Variants in RUBCNL observed in about 807,000 individuals in gnomAD.
RUBCNL encodes the protein rubicon like autophagy enhancer.
RUBCNL carries 62 observed loss-of-function variants against 69.5 expected under a neutral mutation model. That is an observed-to-expected ratio of 0.89 (90% CI 0.73 to 1.10). The LOEUF (loss-of-function observed/expected upper bound fraction) is 1.10, where lower values mean the gene tolerates loss of function less well. Among genes scored for constraint, RUBCNL ranks in the 50% least tolerant of loss-of-function variants. RUBCNL has a pLI of 0.00. For missense variants in RUBCNL, 768 were observed against 798.1 expected (o/e 0.96, Z 0.45); for synonymous variants, 291 against 303.6 (o/e 0.96, Z 0.43).
At position 46,339,032 on chromosome 13, in the gene RUBCNL, G is replaced by A. The variant is rs537225060; in HGVS notation, c.*4353C>T. On this transcript the variant is annotated 3_prime_UTR_variant, in exon 15 of 15. Coordinates refer to ENST00000429979, the MANE Select transcript of RUBCNL (RefSeq NM_025113.5). ...ACTGCACTCCAGCCTGGGCGACAGA[G>A]CGAGACCCTGTCTCAAAAAAAAAAA... 3.5e-5 allele frequency among the ~76,000 whole-genome samples: 5 copies of A among 142,386 alleles called. No homozygotes were observed. Among genetic ancestry groups the A allele is most frequent in the African/African-American group, 1.1e-4 (4 of 37,362 alleles). 93.4% of individuals were successfully genotyped at this position (142,386 alleles called of 152,430 possible).
chr13:46,384,183 A>G (rs1266426723), intron 1 of RUBCNL, among the ~76,000 whole-genome samples: 2 of 152,252 alleles, frequency 1.3e-5, no homozygotes, highest in Non-Finnish European at 2.9e-5. Context: ...CCATATTTTT[A>G]AAAATACTTG....
At chr13:46,346,570 A>G (rs1389646445) in intron 12 of RUBCNL, among the ~76,000 whole-genome samples, 1 of 152,188 alleles carries the variant, frequency 6.6e-6, no homozygotes, top group Non-Finnish European at 1.5e-5. Context: ...ATGGATATTC[A>G]AGATTTTTTG....
chr13:46,345,030 A>C (rs1339953053), intron 13 of RUBCNL, among the ~76,000 whole-genome samples, 199 bp from the exon 14 acceptor site: 2 of 152,250 alleles, frequency 1.3e-5, no homozygotes, highest in African/African-American at 4.8e-5. Flanking sequence ...ATTCCATATC[A>C]AAGCAGTTTT....
intron 1 of RUBCNL, 34 bp from the exon 2 acceptor site, chr13:46,378,039 GA>G: frequency 9.0e-7 from 1 of 1,105,264 alleles, no homozygotes; most frequent in Non-Finnish European, 1.3e-6. Context: ...CAGATGCTAT[GA>G]TACCACTGCC....
chr13:46,347,697 G>A (rs2048277089), intron 12 of RUBCNL, among the ~76,000 whole-genome samples: 1 of 152,042 alleles, frequency 6.6e-6, no homozygotes, highest in Non-Finnish European at 1.5e-5. Context: ...AACTTAAGAA[G>A]GAAGGAAATT....
In RUBCNL at chr13:46,343,168, AG is replaced by A. The variant is rs1164573913; in HGVS notation, c.*216del. 2.7e-6 allele frequency: 2 copies of A among 729,482 alleles called. No individual in the cohort carries two copies. Among genetic ancestry groups the A allele is most frequent in the Middle Eastern group, 3.9e-4 (1 of 2,550 alleles). The allele number at this position is 729,482 out of a possible 1,614,324, so 45.2% of individuals were successfully genotyped here. On this transcript the variant is annotated 3_prime_UTR_variant, in exon 15 of 15. Coordinates refer to ENST00000429979, the MANE Select transcript of RUBCNL (RefSeq NM_025113.5). ...TTAAAAAACCAATAGCAGCCAAAACAGAACATTTGTAAACAAAACCACAACT... is the reference window on the plus strand; with the variant it reads ...TTAAAAAACCAATAGCAGCCAAAACAAACATTTGTAAACAAAACCACAACT...
chr13:46,345,622 G>A (rs763119035), intron 12 of RUBCNL, 22 bp from the exon 13 acceptor site: 1 of 1,611,496 alleles, frequency 6.2e-7, no homozygotes, highest in Admixed American at 1.7e-5. Flanking sequence ...GAAACAAAGA[G>A]GAATTCAGAA....
chr13:46,368,685 C>G (rs377044462), intron 4 of RUBCNL, 48 bp downstream of exon 4: 6 of 1,504,084 alleles, frequency 4.0e-6, no homozygotes, highest in South Asian at 2.3e-5. Flanking sequence ...ACAACACTAT[C>G]TAAAGGATTA....
In RUBCNL at chr13:46,364,150, C is replaced by T. The variant is rs1204446862; in HGVS notation, c.827-937G>A. ...GTGGCTCATGCCTGTAATCCCAGCA[C>T]TTTGGGAGGCTGAGGCAGGCGGATC... On this transcript the variant is annotated intron_variant, in intron 5 of 14. Transcript: ENST00000429979. Among the ~76,000 whole-genome samples, 3 of 151,962 alleles carry T rather than the reference C, an allele frequency of 2.0e-5. No individual in the cohort carries two copies. In the South Asian group the frequency reaches 6.2e-4, roughly 31 times the overall value.
rs1478865912 is a variant in RUBCNL at position 46,338,504 on chromosome 13, C to G, written c.*4881G>C. Among the ~76,000 whole-genome samples, 1 of 152,028 alleles carries G rather than the reference C, an allele frequency of 6.6e-6. No individual in the cohort carries two copies. Among genetic ancestry groups the G allele is most frequent in the Non-Finnish European group, 1.5e-5 (1 of 68,018 alleles). Reference sequence around the variant, plus strand: ...GGTTGAGACCACAGGGCAGGGGATTCTGTCTGGGGCTCCATTTGATCTAAC... The same window carrying G: ...GGTTGAGACCACAGGGCAGGGGATTGTGTCTGGGGCTCCATTTGATCTAAC... On this transcript the variant is annotated 3_prime_UTR_variant, in exon 15 of 15. Transcript: ENST00000429979.
Position 46,372,345 on chromosome 13 carries a change from A to T in RUBCNL, c.131T>A (p.Ile44Asn), listed in dbSNP as rs1438466254. 2 of 1,613,854 alleles carry T rather than the reference A, an allele frequency of 1.2e-6. No homozygotes were observed. The highest frequency in any genetic ancestry group is 1.7e-6 in the Non-Finnish European group (2 of 1,179,888). ...GACAGCTTTGTGCCTCATGAGCCTG[A>T]TGTCTAATTGGCAAGGAGGATGGTC... ...NTDHPPCQLDIRLMRHKAVWI... is the reference protein window; with the variant it reads ...NTDHPPCQLDNRLMRHKAVWI... Residue 44 changes from isoleucine to asparagine, a missense_variant, in exon 3 of 15, where the codon ATC becomes AAC. By Grantham distance (149) the Ile-to-Asn change is moderately radical. Coordinates refer to ENST00000429979, the MANE Select transcript of RUBCNL (RefSeq NM_025113.5).
intron 1 of RUBCNL, among the ~76,000 whole-genome samples, chr13:46,379,074 G>T (rs757247156): frequency 6.6e-6 from 1 of 151,990 alleles, no homozygotes; most frequent in Non-Finnish European, 1.5e-5. Flanking sequence ...TTAAATCTAT[G>T]AGGGCCCTTT....
At chr13:46,354,918 G>A (rs2048450634) in intron 10 of RUBCNL, 1 of 447,800 alleles carries the variant, frequency 2.2e-6, no homozygotes, top group Admixed American at 2.4e-5. Flanking sequence ...TACAGTTTCT[G>A]ACTCATGCAT....
chr13:46,386,446 G>T (rs886364679), intron 1 of RUBCNL, among the ~76,000 whole-genome samples: 9 of 152,110 alleles, frequency 5.9e-5, no homozygotes, highest in Non-Finnish European at 1.3e-4. Flanking sequence ...TTTCACTCAA[G>T]GCGAAATAAC....
chr13:46,388,403 A>G (rs533042585), upstream of RUBCNL, among the ~76,000 whole-genome samples: 8 of 149,294 alleles, frequency 5.4e-5, no homozygotes, highest in South Asian at 1.7e-3. Flanking sequence ...GAAGGAATCT[A>G]AGCCAAGGAA....
At position 46,334,709 on chromosome 13, in the gene RUBCNL, T is replaced by G. The variant is rs1162575793; in HGVS notation, c.*8676A>C. On this transcript the variant is annotated 3_prime_UTR_variant, in exon 15 of 15. Transcript: ENST00000429979. ...GGGGGAAAAAAAACACTGAATTTTA[T>G]ACACAAAGTGATAGACAAGATGCTA... 6.6e-6 allele frequency among the ~76,000 whole-genome samples: 1 copy of G among 152,144 alleles called. No homozygotes were observed. Among genetic ancestry groups the G allele is most frequent in the Admixed American group, 6.5e-5 (1 of 15,276 alleles).
Position 46,344,758 on chromosome 13 carries a change from G to T in RUBCNL, c.1859C>A (p.Thr620Lys). The T allele has an allele frequency of 1.9e-6, 3 of 1,608,264 alleles. No homozygotes were observed. Among genetic ancestry groups the T allele is most frequent in the Non-Finnish European group, 2.6e-6 (3 of 1,176,210 alleles). ...TTVIFPFQTATCRRCSACRAC... is the reference protein window; with the variant it reads ...TTVIFPFQTAKCRRCSACRAC... ...TTAAATACCTGAACATCTTCTACAT[G>T]TTGCTGTCTGAAATGGGAAGATGAC... is the stretch of plus-strand genomic sequence containing the variant. The change falls in exon 14 of 15, where the codon ACA (threonine) becomes AAA (lysine). Residue 620 changes from threonine (T) to lysine (K), a missense_variant. Coordinates refer to ENST00000429979, the MANE Select transcript of RUBCNL (RefSeq NM_025113.5).
chr13:46,362,963 T>TATATAG lies in RUBCNL; in HGVS notation c.925+151_925+152insCTATAT, dbSNP rs1555253850. Among the ~76,000 whole-genome samples the TATATAG allele has an allele frequency of 4.6e-4, 45 of 98,702 alleles. No individual in the cohort carries two copies. In the South Asian group the frequency reaches 7.6e-3, roughly 17 times the overall value. The allele number at this position is 98,702 out of a possible 152,430, so 64.8% of individuals were successfully genotyped here. On this transcript the variant is annotated intron_variant, in intron 6 of 14. Coordinates refer to ENST00000429979, the MANE Select transcript of RUBCNL (RefSeq NM_025113.5). The stretch of plus-strand genomic sequence containing the variant: ...AGATATATATATATATATATATATA[T>TATATAG]ATATATATATATCAGGGCCATAATC...
At chr13:46,387,743 T>C, upstream of RUBCNL, 1 of 985,494 alleles carries the variant, frequency 1.0e-6, no homozygotes, top group South Asian at 4.7e-5. Context: ...GTCCGACTCA[T>C]GTAGCACTTC....
Sources: gnomAD v4.1 joint callset for allele counts (sites outside exome capture counted in the v4.1 genomes callset) on GRCh38, gnomAD v4.1.1 for gene constraint, MANE v1.5 for transcripts, NCBI Gene and HGNC (gene_info 2026-07-23, HGNC 2026-07-21) for gene names.